Variants in GPR83 observed in about 807,000 individuals in gnomAD.
GPR83 encodes G protein-coupled receptor 83.
A neutral mutation model predicts 28.0 loss-of-function variants in GPR83; 23 were observed. That is an observed-to-expected ratio of 0.82 (90% CI 0.59 to 1.16). GPR83 has a LOEUF of 1.16. Ranked by LOEUF, GPR83 falls within the 50% of genes most tolerant of loss-of-function variation. GPR83 has a pLI of 0.00. For missense variants in GPR83, 610 were observed against 536.6 expected (o/e 1.14, Z -1.35); for synonymous variants, 234 against 215.4 (o/e 1.09, Z -0.76).
chr11:94,380,164 A>C lies in GPR83; in HGVS notation c.1257T>G (p.Ile419Met). 5 of 1,513,104 alleles carry C rather than the reference A, an allele frequency of 3.3e-6. No individual in the cohort carries two copies. The highest frequency in any genetic ancestry group is 4.4e-6 in the Non-Finnish European group (5 of 1,131,558). The allele number at this position is 1,513,104 out of a possible 1,614,324, so 93.7% of individuals were successfully genotyped here. A position where few individuals can be genotyped will look rare whatever the true frequency, so the allele number is the denominator to read the frequency against. Residue 419 changes from isoleucine to methionine, a missense_variant, in exon 4 of 4, where the codon ATT (isoleucine) becomes ATG (methionine). By Grantham distance (10) the Ile-to-Met change is conservative. Coordinates refer to ENST00000243673, the MANE Select transcript of GPR83 (RefSeq NM_016540.4). ...CCAACCTCTTCTAACTCATCGTCAC[A>C]ATGGGTTCCACAGATGACAGGTCTG... ...GKTDLSSVEP[I>M]VTMS
Position 94,380,301 on chromosome 11 carries a change from G to T in GPR83, c.1120C>A (p.Pro374Thr). The change falls in exon 4 of 4, where the codon CCA becomes ACA. Residue 374 changes from proline (P) to threonine (T), a missense_variant. Transcript: ENST00000243673. The part of the protein sequence containing the change: ...QRPPKPQEDR[P>T]PSPVPSFRVA... ...CTGAAGGAAGGAACTGGGGAGGGTG[G>T]CCTGTCCTCCTGAGGCTTGGGAGGT... 1 of 1,602,298 alleles carries T rather than the reference G, an allele frequency of 6.2e-7. No individual in the cohort carries two copies.
In GPR83 at chr11:94,379,601, T is replaced by C. The variant is rs1166777795; in HGVS notation, c.*548A>G. ...TAAGGAACCCAAGTTGGTCCTTTCTTATCTGGATATTGCTAGGCCACTGAA... is the reference window on the plus strand; with the variant it reads ...TAAGGAACCCAAGTTGGTCCTTTCTCATCTGGATATTGCTAGGCCACTGAA... On this transcript the variant is annotated 3_prime_UTR_variant, in exon 4 of 4. Transcript: ENST00000243673. The C allele has an allele frequency of 6.6e-6, 1 of 152,260 alleles. No homozygotes were observed. Among genetic ancestry groups the C allele is most frequent in the Non-Finnish European group, 1.5e-5 (1 of 68,096 alleles). The allele number at this position is 152,260 out of a possible 1,614,324, so 9.4% of individuals were successfully genotyped here.
intron 1 of GPR83, among the ~76,000 whole-genome samples, chr11:94,398,176 T>G (rs1307219143): frequency 2.0e-5 from 3 of 152,190 alleles, no homozygotes; most frequent in Non-Finnish European, 2.9e-5. Flanking sequence ...TCTCCAGGTT[T>G]GTCACCTTGG....
chr11:94,391,802 T>C (rs553847369), intron 3 of GPR83, among the ~76,000 whole-genome samples: 3 of 152,238 alleles, frequency 2.0e-5, no homozygotes, highest in Admixed American at 2.0e-4. Context: ...AGAATGGCAA[T>C]CATTAAAAAG....
At chr11:94,386,509 C>T (rs769012922) in intron 3 of GPR83, among the ~76,000 whole-genome samples, 1 of 152,034 alleles carries the variant, frequency 6.6e-6, no homozygotes, top group Non-Finnish European at 1.5e-5. Flanking sequence ...GAAAGATCTA[C>T]CAAGCAAATG....
At chr11:94,399,803 A>G (rs1266739769) in intron 1 of GPR83, among the ~76,000 whole-genome samples, 1 of 152,256 alleles carries the variant, frequency 6.6e-6, no homozygotes, top group Non-Finnish European at 1.5e-5. Flanking sequence ...AACATGCAGT[A>G]TAACTGTCAC....
rs370756531 is a variant in GPR83, at chr11:94,388,218, T to A, written c.647+5267A>T. On this transcript the variant is annotated intron_variant, in intron 3 of 3. Transcript: ENST00000243673. Reference sequence around the variant, plus strand: ...ATGACAAACCCACAGCCAATATCATTCTGAATGGGCAAAAACTGGAAGCAT... The same window carrying A: ...ATGACAAACCCACAGCCAATATCATACTGAATGGGCAAAAACTGGAAGCAT... 3.5e-3 allele frequency among the ~76,000 whole-genome samples: 529 copies of A among 152,222 alleles called. 1 individual carries two copies. The highest frequency in any genetic ancestry group is 5.6e-3 in the Non-Finnish European group (380 of 68,008).
intron 3 of GPR83, among the ~76,000 whole-genome samples, chr11:94,381,554 A>AGTGTGTGT (rs1174732142): frequency 2.0e-4 from 6 of 30,154 alleles, no homozygotes; most frequent in Non-Finnish European, 2.6e-4. Flanking sequence ...CACAGGAGTG[A>AGTGTGTGT]GTGAGTGTGT....
At position 94,400,993 on chromosome 11, in the gene GPR83, T is replaced by G. The variant is rs747792939; in HGVS notation, c.255A>C (p.Ser85=). The part of the protein sequence containing the change: ...IVAYSFIIVF[S]LFGNVLVCHV... ...GACAGACCAGGACGTTGCCAAAGAG[T>G]GAGAAGACAATGATGAAGGAGTAAG... Residue 85 remains serine, a synonymous_variant, in exon 1 of 4, where the codon TCA becomes TCC. Coordinates refer to ENST00000243673, the MANE Select transcript of GPR83 (RefSeq NM_016540.4). The G allele has an allele frequency of 1.9e-6, 3 of 1,613,726 alleles. No individual in the cohort carries two copies. Among genetic ancestry groups the G allele is most frequent in the Non-Finnish European group, 2.5e-6 (3 of 1,179,872 alleles).
At chr11:94,381,608 G>C (rs972095914) in intron 3 of GPR83, among the ~76,000 whole-genome samples, 5 of 151,514 alleles carry the variant, frequency 3.3e-5, no homozygotes, top group Non-Finnish European at 7.4e-5. Context: ...GGTGGCACAT[G>C]GCTCCTGTGG....
chr11:94,377,981 C>T lies in GPR83; in HGVS notation c.*2168G>A, dbSNP rs576869417. ...CTTCTGTATGCCTGCTGCCTTGTCT[C>T]ATTCTGGTTCACAGAATTTCTATGG... On this transcript the variant is annotated 3_prime_UTR_variant, in exon 4 of 4. Coordinates refer to ENST00000243673, the MANE Select transcript of GPR83 (RefSeq NM_016540.4). 1.9e-4 allele frequency: 29 copies of T among 152,336 alleles called. No individual in the cohort carries two copies. Among genetic ancestry groups the T allele is most frequent in the Non-Finnish European group, 3.1e-4 (21 of 68,036 alleles). The allele number at this position is 152,336 out of a possible 1,614,324, so 9.4% of individuals were successfully genotyped here.
intron 1 of GPR83, 37 bp from the exon 2 acceptor site, chr11:94,396,561 G>A: frequency 6.2e-7 from 1 of 1,604,282 alleles, no homozygotes; most frequent in Non-Finnish European, 8.5e-7. Flanking sequence ...AGACAGACAG[G>A]CCTTGACTTT....
chr11:94,381,460 A>G lies in GPR83; in HGVS notation c.648-687T>C, dbSNP rs555641015. ...GGGGCCTGGGTGAGTGATTCATTTC[A>G]ATGTCCTAGAATTCCTGGAGGGGGC... On this transcript the variant is annotated intron_variant, in intron 3 of 3. Transcript: ENST00000243673. Among the ~76,000 whole-genome samples the G allele has an allele frequency of 1.4e-4, 22 of 152,052 alleles. No homozygotes were observed. The East Asian group carries it at 3.9e-3, about 27-fold the overall frequency.
At chr11:94,391,550 C>T (rs1485780602) in intron 3 of GPR83, among the ~76,000 whole-genome samples, 1 of 151,994 alleles carries the variant, frequency 6.6e-6, no homozygotes, top group Non-Finnish European at 1.5e-5. Flanking sequence ...CAGAATGGGA[C>T]AAAATTTTTG....
At chr11:94,390,087 G>A (rs944001953) in intron 3 of GPR83, among the ~76,000 whole-genome samples, 32 of 151,692 alleles carry the variant, frequency 2.1e-4, no homozygotes, top group African/African-American at 5.1e-4. Context: ...ACCAAACACC[G>A]CATGTTCTCA....
At chr11:94,395,659 A>T (rs1944858865) in intron 2 of GPR83, among the ~76,000 whole-genome samples, 1 of 152,236 alleles carries the variant, frequency 6.6e-6, no homozygotes, top group Non-Finnish European at 1.5e-5. Flanking sequence ...TGTCCTGGTC[A>T]GTTCCTTTCA....
At chr11:94,386,270 C>A (rs1403637445) in intron 3 of GPR83, among the ~76,000 whole-genome samples, 2 of 152,140 alleles carry the variant, frequency 1.3e-5, no homozygotes, top group Admixed American at 6.5e-5. Context: ...ACCATTGAGG[C>A]TAGGAAGAAA....
At position 94,401,372 on chromosome 11, in the gene GPR83, C is replaced by G. The variant is rs1944911016; in HGVS notation, c.-125G>C. On this transcript the variant is annotated 5_prime_UTR_variant, in exon 1 of 4. Coordinates refer to ENST00000243673, the MANE Select transcript of GPR83 (RefSeq NM_016540.4). ...GGCCGTCCCGAGGAGCCAGGGAGCC[C>G]GGACGCGCGGAGCACCGCGCCGCCC... The G allele has an allele frequency of 2.2e-6, 2 of 905,230 alleles. No individual in the cohort carries two copies. The highest frequency in any genetic ancestry group is 3.1e-6 in the Non-Finnish European group (2 of 647,526). The allele number at this position is 905,230 out of a possible 1,614,324, so 56.1% of individuals were successfully genotyped here.
chr11:94,382,933 G>A (rs1273466220), intron 3 of GPR83, among the ~76,000 whole-genome samples: 2 of 152,074 alleles, frequency 1.3e-5, no homozygotes, highest in Non-Finnish European at 2.9e-5. Flanking sequence ...CGGAGGCCAA[G>A]GCGGGCGGAT....
Sources: gnomAD v4.1 joint callset for allele counts (sites outside exome capture counted in the v4.1 genomes callset) on GRCh38, gnomAD v4.1.1 for gene constraint, MANE v1.5 for transcripts, NCBI Gene and HGNC (gene_info 2026-07-23, HGNC 2026-07-21) for gene names.